The following LMTK2 variants were observed in gnomAD, a reference collection of about 807,000 sequenced individuals.
LMTK2 encodes the protein lemur tail kinase 2.
In LMTK2, 37 loss-of-function variants were observed where a neutral mutation model predicts 127.5. The observed-to-expected ratio is 0.29, with a 90% CI of 0.22 to 0.38. The LOEUF is 0.38. Among genes scored for constraint, LMTK2 ranks in the 10% least tolerant of loss-of-function variants. LMTK2 has a pLI of 1.00. For synonymous variants in LMTK2, 819 were observed against 810.1 expected, an observed-to-expected ratio of 1.01 and a Z score of -0.19; for missense variants, 1,694 against 1,920.3, an observed-to-expected ratio of 0.88 and a Z score of 2.20.
rs150467286 is a variant in LMTK2, at chr7:98,178,107, T to A, written c.791+6433T>A. ...CTCTATCTCTTCTATAAAATGGGGA[T>A]CGTCTTTAAAGCCCTGGAGTGCTGT... is the stretch of plus-strand genomic sequence containing the variant. On this transcript the variant is annotated intron_variant, in intron 7 of 13. Coordinates refer to ENST00000297293, the MANE Select transcript of LMTK2 (RefSeq NM_014916.4). Among the ~76,000 whole-genome samples, 28 of 152,292 alleles carry A rather than the reference T, an allele frequency of 1.8e-4. 1 individual carries two copies. The East Asian group carries it at 5.2e-3, about 28-fold the overall frequency.
At chr7:98,180,470 A>C (rs1797339431) in intron 7 of LMTK2, among the ~76,000 whole-genome samples, 1 of 152,256 alleles carries the variant, frequency 6.6e-6, no homozygotes, top group African/African-American at 2.4e-5. Flanking sequence ...CAAAAAACTT[A>C]ATCTGTTGTC....
chr7:98,150,264 C>T (rs1247618487), intron 3 of LMTK2, among the ~76,000 whole-genome samples: 13 of 149,546 alleles, frequency 8.7e-5, no homozygotes, highest in African/African-American at 1.5e-4. Flanking sequence ...GCTGAGATCG[C>T]GCCACTGCAC....
At chr7:98,107,630 C>CT (rs1033434853) in intron 1 of LMTK2, among the ~76,000 whole-genome samples, 9 of 152,028 alleles carry the variant, frequency 5.9e-5, no homozygotes. Flanking sequence ...GCCTCTTGTG[C>CT]TTTTTTTTCG....
At chr7:98,114,637 C>T (rs1229093635) in intron 1 of LMTK2, among the ~76,000 whole-genome samples, 1 of 152,194 alleles carries the variant, frequency 6.6e-6, no homozygotes, top group East Asian at 1.9e-4. Context: ...TGTCTCCCTG[C>T]ATCTGGTGAA....
chr7:98,182,545 C>G (rs535330293), intron 7 of LMTK2, among the ~76,000 whole-genome samples: 1 of 152,242 alleles, frequency 6.6e-6, no homozygotes, highest in East Asian at 1.9e-4. Context: ...TACCACCTTA[C>G]ACCCATTAGG....
Position 98,194,115 on chromosome 7 carries a change from C to T in LMTK2, c.3650C>T (p.Thr1217Ile). 6.2e-7 allele frequency: 1 copy of T among 1,614,116 alleles called. No individual in the cohort carries two copies. Among genetic ancestry groups the T allele is most frequent in the Non-Finnish European group, 8.5e-7 (1 of 1,180,038 alleles). ...CTTAGCAGCGGCGATGACTTCGAGA[C>T]ACAGGACGATCGCCCCTGCACCCTC... ...AELSSGDDFE[T>I]QDDRPCTLAS... The change falls in exon 11 of 14, where the codon ACA (threonine) becomes ATA (isoleucine). Residue 1217 changes from threonine to isoleucine, a missense_variant. By Grantham distance (89) the Thr-to-Ile change is moderately conservative. Transcript: ENST00000297293. This position sits in a 1 kb window ranked among gnomAD's most constrained non-coding sequence, Gnocchi z 5.4.
At chr7:98,204,236 G>GCCCCCCC in intron 13 of LMTK2, 50 bp downstream of exon 13, 1 of 759,156 alleles carries the variant, frequency 1.3e-6, no homozygotes, top group African/African-American at 1.7e-5. Context: ...CGGGGGTGGG[G>GCCCCCCC]CGCTGCAGCT....
At chr7:98,196,368 A>G (rs1367629972) in intron 11 of LMTK2, among the ~76,000 whole-genome samples, 1 of 152,100 alleles carries the variant, frequency 6.6e-6, no homozygotes, top group Non-Finnish European at 1.5e-5. Context: ...TTCTAGTAAG[A>G]GTGGAAGGGA....
At chr7:98,198,067 A>G (rs1284127973) in intron 11 of LMTK2, among the ~76,000 whole-genome samples, 2 of 150,984 alleles carry the variant, frequency 1.3e-5, no homozygotes, top group East Asian at 1.9e-4. Context: ...TTTTGTTTTC[A>G]TGGATTTTTT....
rs1391551426 is a variant in LMTK2, at chr7:98,181,567, G to C, written c.792-3484G>C. On this transcript the variant is annotated intron_variant, in intron 7 of 13. Transcript: ENST00000297293. Reference sequence around the variant, plus strand: ...CTACAAAGCTACAGTAATCAAAACAGTGTTGTACTAGCATAAGGAAGACAT... The same window carrying C: ...CTACAAAGCTACAGTAATCAAAACACTGTTGTACTAGCATAAGGAAGACAT... Among the ~76,000 whole-genome samples, 12 of 152,314 alleles carry C rather than the reference G, an allele frequency of 7.9e-5. No homozygotes were observed. In the South Asian group the frequency reaches 1.5e-3, roughly 18 times the overall value.
chr7:98,170,968 A>G (rs1326201661), intron 6 of LMTK2, among the ~76,000 whole-genome samples: 1 of 152,058 alleles, frequency 6.6e-6, no homozygotes, highest in Admixed American at 6.6e-5. Flanking sequence ...AGTGGCTGAA[A>G]TGTTCTTTCT....
intron 1 of LMTK2, among the ~76,000 whole-genome samples, chr7:98,118,354 TTTAG>T (rs1407216972): frequency 6.6e-6 from 1 of 152,188 alleles, no homozygotes. Flanking sequence ...GGCTTAAGAA[TTTAG>T]TTAGAGAGGA....
chr7:98,193,476 A>G lies in LMTK2; in HGVS notation c.3011A>G (p.Asp1004Gly). The G allele has an allele frequency of 6.2e-7, 1 of 1,614,076 alleles. No individual in the cohort carries two copies. The highest frequency in any genetic ancestry group is 1.1e-5 in the South Asian group (1 of 91,074). ...ACCCCGGACTCTCTGGAGTCAGTGGATGTCCACGAAGCGCTACTGGACTCT... is the reference window on the plus strand; with the variant it reads ...ACCCCGGACTCTCTGGAGTCAGTGGGTGTCCACGAAGCGCTACTGGACTCT... ...LETPDSLESV[D>G]VHEALLDSLG... Residue 1004 changes from aspartate to glycine, a missense_variant, in exon 11 of 14, where the codon GAT becomes GGT. Around this residue, in one of 8 missense-constraint regions of LMTK2, gnomAD observed 65 missense variants for 116.5 expected, o/e 0.56. Transcript: ENST00000297293. The surrounding 1 kb of genome is among the most constrained non-coding windows in gnomAD (Gnocchi z 4.1).
In LMTK2 at chr7:98,115,624, A is replaced by G. The variant is rs969019449; in HGVS notation, c.103+8344A>G. Among the ~76,000 whole-genome samples, 8 of 151,968 alleles carry G rather than the reference A, an allele frequency of 5.3e-5. No individual in the cohort carries two copies. The East Asian group carries it at 5.8e-4, about 11-fold the overall frequency. On this transcript the variant is annotated intron_variant, in intron 1 of 13. Transcript: ENST00000297293. ...AGAGATTGAGACCATCCTGGCCAAC[A>G]TGGTGAAACCCCGTCTCTACTAAAA...
chr7:98,194,888 C>G lies in LMTK2; in HGVS notation c.4107+316C>G, dbSNP rs1341007479. Among the ~76,000 whole-genome samples the G allele has an allele frequency of 1.3e-5, 2 of 152,130 alleles. No homozygotes were observed. The highest frequency in any genetic ancestry group is 4.8e-5 in the African/African-American group (2 of 41,410). On this transcript the variant is annotated intron_variant, in intron 11 of 13. Coordinates refer to ENST00000297293, the MANE Select transcript of LMTK2 (RefSeq NM_014916.4). The surrounding 1 kb of genome is among the most constrained non-coding windows in gnomAD (Gnocchi z 5.4). ...CTTTTTTATTTTTCTTTTGAGACAG[C>G]CTTGCTCTGTGGCCCAGGCTGGAAT...
At chr7:98,149,566 A>C (rs1031547794) in intron 3 of LMTK2, among the ~76,000 whole-genome samples, 1 of 152,226 alleles carries the variant, frequency 6.6e-6, no homozygotes, top group Admixed American at 6.5e-5. Context: ...CTGGATATTC[A>C]TTGGCAAACA....
At chr7:98,122,714 GTGTGTGTGTGTGTATA>G (rs1156269545) in intron 1 of LMTK2, among the ~76,000 whole-genome samples, 228 of 4,576 alleles carry the variant, frequency 0.05, 4 homozygotes, top group Middle Eastern at 0.5. Flanking sequence ...GTGTGTGTGT[GTGTGTGTGTGTGTATA>G]TATATAACTG....
intron 1 of LMTK2, among the ~76,000 whole-genome samples, chr7:98,111,079 C>T (rs1158448818): frequency 2.0e-5 from 3 of 152,162 alleles, no homozygotes; most frequent in Non-Finnish European, 4.4e-5. Flanking sequence ...GCTGCAATTA[C>T]TTTTACTTGG....
At chr7:98,149,100 T>G (rs889562245) in intron 3 of LMTK2, among the ~76,000 whole-genome samples, 2 of 152,382 alleles carry the variant, frequency 1.3e-5, no homozygotes, top group Admixed American at 1.3e-4. Context: ...CACTCCATCC[T>G]GATAGAATTG....
Sources: allele counts gnomAD v4.1 joint callset (sites outside exome capture counted in the v4.1 genomes callset), GRCh38; gene constraint gnomAD v4.1.1; regional missense constraint gnomAD v4.1.1; non-coding constraint Gnocchi (gnomAD v3.1); transcripts MANE v1.5; gene names NCBI Gene and HGNC (gene_info 2026-07-23, HGNC 2026-07-21).